The following CFDP1 variants were observed in gnomAD, a reference collection of about 807,000 sequenced individuals.
CFDP1 encodes chromatin remodeling protein CFDP1, also known as heterochromatin-stabilizing protein CFDP1.
In CFDP1, 31 loss-of-function variants were observed where a neutral mutation model predicts 40.1. The observed-to-expected ratio is 0.77, with a 90% CI of 0.58 to 1.04. The LOEUF is 1.04. Among genes scored for constraint, CFDP1 ranks in the 50% least tolerant of loss-of-function variants. The pLI is 0.00. For missense variants in CFDP1, 423 were observed against 343.4 expected (o/e 1.23, Z -1.83); for synonymous variants, 167 against 120.0 (o/e 1.39, Z -2.56).
At chr16:75,401,064 G>A in intron 4 of CFDP1, among the ~76,000 whole-genome samples, 1 of 152,138 alleles carries the variant, frequency 6.6e-6, no homozygotes, top group East Asian at 1.9e-4. Flanking sequence ...GGGAGGCCGA[G>A]GTGGGCAGAT....
intron 6 of CFDP1, among the ~76,000 whole-genome samples, chr16:75,303,022 A>G (rs1043552350): frequency 2.6e-5 from 4 of 152,152 alleles, no homozygotes; most frequent in Admixed American, 2.0e-4. Flanking sequence ...CAACATGGTG[A>G]AATCCCGTCT....
intron 5 of CFDP1, among the ~76,000 whole-genome samples, chr16:75,309,845 A>AAT (rs55657833): frequency 6.7e-6 from 1 of 148,560 alleles, no homozygotes; most frequent in South Asian, 2.1e-4. Flanking sequence ...AAAAAAAAAA[A>AAT]CCAATCCAGT....
intron 5 of CFDP1, among the ~76,000 whole-genome samples, chr16:75,325,858 C>T (rs1463734857): frequency 6.6e-6 from 1 of 152,202 alleles, no homozygotes; most frequent in African/African-American, 2.4e-5. Flanking sequence ...TACTTCAGAG[C>T]AAGCACAGGG....
At chr16:75,395,324 G>A in intron 4 of CFDP1, 115 bp from the exon 5 acceptor site, 1 of 1,084,156 alleles carries the variant, frequency 9.2e-7, no homozygotes, top group Non-Finnish European at 1.3e-6. Flanking sequence ...ATAAATTCTG[G>A]ACGCTCAGCA....
chr16:75,429,158 T>C (rs2079379283), intron 1 of CFDP1, among the ~76,000 whole-genome samples: 4 of 152,084 alleles, frequency 2.6e-5, no homozygotes, highest in Non-Finnish European at 4.4e-5. Context: ...GAGAATATTC[T>C]ACCAGCTTCC....
intron 5 of CFDP1, among the ~76,000 whole-genome samples, chr16:75,378,724 G>C (rs1324931772): frequency 6.6e-6 from 1 of 152,218 alleles, no homozygotes; most frequent in East Asian, 1.9e-4. Context: ...TTAGAGTTTA[G>C]TGCAAGACAC....
chr16:75,305,119 C>A lies in CFDP1; in HGVS notation c.714G>T (p.Met238Ile), dbSNP rs1268954681. The A allele has an allele frequency of 6.2e-7, 1 of 1,614,150 alleles. No individual in the cohort carries two copies. Among genetic ancestry groups the A allele is most frequent in the South Asian group, 1.1e-5 (1 of 91,076 alleles). The stretch of plus-strand genomic sequence containing the variant: ...CCAGTTTGGACTTCTCAAGGGTGCT[C>A]ATTTTCTGCTTCTTGGCACCAATTT... ...LGKIGAKKQK[M>I]STLEKSKLDW... is the part of the protein sequence containing the mutation. Residue 238 changes from methionine (M) to isoleucine (I), a missense_variant, in exon 6 of 7, where the codon ATG (methionine) becomes ATT (isoleucine). Transcript: ENST00000283882.
chr16:75,327,522 G>A (rs768224000), intron 5 of CFDP1, among the ~76,000 whole-genome samples: 29 of 152,222 alleles, frequency 1.9e-4, no homozygotes, highest in Non-Finnish European at 3.7e-4. Context: ...ATAGACTATA[G>A]TAGAATATAA....
rs1159269562 is a variant in CFDP1, at chr16:75,305,013, C to T, written c.809+11G>A. ...AGGATTTTCCAAGGCATAAAACCTACTCCTTCTTACCCCTCTTTCCCTCGA... is the reference window on the plus strand; with the variant it reads ...AGGATTTTCCAAGGCATAAAACCTATTCCTTCTTACCCCTCTTTCCCTCGA... On this transcript the variant is annotated intron_variant, in intron 6 of 6. Coordinates refer to ENST00000283882, the MANE Select transcript of CFDP1 (RefSeq NM_006324.3). The T allele has an allele frequency of 1.9e-6, 3 of 1,611,106 alleles. No homozygotes were observed. The highest frequency in any genetic ancestry group is 1.1e-5 in the South Asian group (1 of 90,964).
intron 5 of CFDP1, among the ~76,000 whole-genome samples, chr16:75,311,715 A>T (rs1345605050): frequency 6.6e-6 from 1 of 151,794 alleles, no homozygotes; most frequent in Admixed American, 6.6e-5. Context: ...TGGCAGAGAT[A>T]TGCAGTTTCC....
intron 2 of CFDP1, among the ~76,000 whole-genome samples, chr16:75,413,484 C>G (rs1231332787): frequency 2.9e-5 from 4 of 140,270 alleles, no homozygotes; most frequent in Non-Finnish European, 6.0e-5. Flanking sequence ...ACCCAGGAGG[C>G]GGAGGTTGCA....
intron 4 of CFDP1, among the ~76,000 whole-genome samples, chr16:75,401,462 T>C (rs922240632): frequency 1.1e-4 from 16 of 143,230 alleles, no homozygotes; most frequent in African/African-American, 4.1e-4. Context: ...TAGCTGGGCG[T>C]GGTAGCAGGT....
At chr16:75,404,659 A>C (rs1677537300) in intron 4 of CFDP1, among the ~76,000 whole-genome samples, 1 of 152,150 alleles carries the variant, frequency 6.6e-6, no homozygotes, top group Admixed American at 6.5e-5. Context: ...CAATGCAGCA[A>C]TCCAAATTGA....
In CFDP1 at chr16:75,298,705, G is replaced by A. The variant is rs12449177; in HGVS notation, c.810-4663C>T. 3.3e-5 allele frequency among the ~76,000 whole-genome samples: 5 copies of A among 151,966 alleles called. No homozygotes were observed. The East Asian group carries it at 7.7e-4, about 23-fold the overall frequency. On this transcript the variant is annotated intron_variant, in intron 6 of 6. Transcript: ENST00000283882. ...CAGTTTGCCCAATAGTACACCTCCCGCCTTCAGGAGGATTTAACTTGCAAA... is the reference window on the plus strand; with the variant it reads ...CAGTTTGCCCAATAGTACACCTCCCACCTTCAGGAGGATTTAACTTGCAAA...
At chr16:75,432,123 G>A (rs952510672) in intron 1 of CFDP1, among the ~76,000 whole-genome samples, 1 of 151,282 alleles carries the variant, frequency 6.6e-6, no homozygotes, top group African/African-American at 2.4e-5. Flanking sequence ...TGTTGTCCAG[G>A]ATGGTCTCGA....
At chr16:75,346,020 A>G (rs1041573580) in intron 5 of CFDP1, among the ~76,000 whole-genome samples, 17 of 152,228 alleles carry the variant, frequency 1.1e-4, no homozygotes, top group African/African-American at 4.1e-4. Context: ...GTGAAAAAGA[A>G]TTGGATGGTA....
chr16:75,383,900 C>A (rs191822542), intron 5 of CFDP1, among the ~76,000 whole-genome samples: 3 of 150,624 alleles, frequency 2.0e-5, no homozygotes, highest in Admixed American at 2.0e-4. Context: ...ATTTTTTTAC[C>A]TGATCTCTTA....
intron 5 of CFDP1, among the ~76,000 whole-genome samples, chr16:75,376,362 G>A (rs537832723): frequency 3.2e-4 from 49 of 152,264 alleles, no homozygotes; most frequent in Middle Eastern, 6.8e-3. Flanking sequence ...TTATCAGCAG[G>A]ATAGATGGAT....
intron 5 of CFDP1, among the ~76,000 whole-genome samples, chr16:75,354,740 CGCAACTGGATCCTG>C (rs1424594432): frequency 6.6e-6 from 1 of 152,028 alleles, no homozygotes; most frequent in Non-Finnish European, 1.5e-5. Context: ...ACAGGGTATC[CGCAACTGGATCCTG>C]GAATAAGATG....
Sources: gnomAD v4.1 joint callset for allele counts (sites outside exome capture counted in the v4.1 genomes callset) on GRCh38, gnomAD v4.1.1 for gene constraint, MANE v1.5 for transcripts, NCBI Gene and HGNC (gene_info 2026-07-23, HGNC 2026-07-21) for gene names.